The following ZNF705G variants were observed in gnomAD, a reference collection of about 807,000 sequenced individuals.
ZNF705G encodes the protein putative zinc finger protein 705G.
A neutral mutation model predicts 19.6 loss-of-function variants in ZNF705G; 23 were observed. The ratio of observed to expected loss-of-function variants is 1.17; its 90% confidence interval spans 0.84 to 1.66. The LOEUF is 1.66. Ranked by LOEUF, ZNF705G falls within the 40% of genes most tolerant of loss-of-function variation. ZNF705G has a pLI of 0.00. For synonymous variants in ZNF705G, 146 were observed against 117.7 expected (o/e 1.24, Z -1.56); for missense variants, 457 against 354.4 (o/e 1.29, Z -2.32).
In ZNF705G at chr8:7,360,231, G is replaced by T; in HGVS notation, c.235+6C>A. ...TCCTATTAGAGCACAGGACCCTGTT[G>T]CTTACTTGGATTCTGGTCTTGAAGA... On this transcript the variant is annotated splice_donor_region_variant and intron_variant, in intron 5 of 6. Transcript: ENST00000400156. 3.1e-6 allele frequency: 5 copies of T among 1,592,052 alleles called. No homozygotes were observed. The highest frequency in any genetic ancestry group is 4.2e-6 in the Non-Finnish European group (5 of 1,179,014).
chr8:7,370,089 C>A (rs1807030236), intron 2 of ZNF705G, among the ~76,000 whole-genome samples: 1 of 147,758 alleles, frequency 6.8e-6, no homozygotes, highest in Admixed American at 6.6e-5. Context: ...CCGTGAAACC[C>A]TGTCTCCACT....
At chr8:7,369,008 G>A (rs538241145) in intron 2 of ZNF705G, among the ~76,000 whole-genome samples, 1 of 149,648 alleles carries the variant, frequency 6.7e-6, no homozygotes, top group Non-Finnish European at 1.5e-5. Flanking sequence ...CATGGCTGGG[G>A]GGAGGCAGAA....
At chr8:7,361,713 T>C (rs1477359137) in intron 3 of ZNF705G, among the ~76,000 whole-genome samples, 3 of 149,602 alleles carry the variant, frequency 2.0e-5, no homozygotes, top group Non-Finnish European at 2.9e-5. Flanking sequence ...AGACCTATGA[T>C]GTGTTTTGAA....
In ZNF705G at chr8:7,369,295, G is replaced by A. The variant is rs1284380480; in HGVS notation, c.-71-6278C>T. ...TGGATTTCTAAAGATGTATGGGAAAGCCTGTATGTCCAATAGAAGTCTGCT... is the reference window on the plus strand; with the variant it reads ...TGGATTTCTAAAGATGTATGGGAAAACCTGTATGTCCAATAGAAGTCTGCT... On this transcript the variant is annotated intron_variant, in intron 2 of 6. Transcript: ENST00000400156. 2.0e-5 allele frequency among the ~76,000 whole-genome samples: 3 copies of A among 149,570 alleles called. 1 individual carries two copies. The highest frequency in any genetic ancestry group is 2.0e-4 in the Admixed American group (3 of 15,224).
intron 2 of ZNF705G, among the ~76,000 whole-genome samples, 189 bp from the exon 3 acceptor site, chr8:7,363,206 G>A (rs1806688184): frequency 1.3e-5 from 2 of 148,938 alleles, no homozygotes; most frequent in South Asian, 4.2e-4. Flanking sequence ...GACTATGGTT[G>A]CTAATAAAGA....
intron 4 of ZNF705G, among the ~76,000 whole-genome samples, chr8:7,360,577 C>T (rs1585409313): frequency 6.7e-6 from 1 of 149,336 alleles, no homozygotes; most frequent in African/African-American, 2.6e-5. Flanking sequence ...ATGCTGAGTC[C>T]ATGCCTAAGT....
rs1388495181 is a variant in ZNF705G at position 7,357,084 on chromosome 8, A to G, written c.*892T>C. ...TGATTTTCAAGTTTGATAGCTCCTC[A>G]ATGTGAGAAACTCAATGTCAACTAA... On this transcript the variant is annotated 3_prime_UTR_variant, in exon 7 of 7. Coordinates refer to ENST00000400156, the MANE Select transcript of ZNF705G (RefSeq NM_001164457.3). 6.7e-6 allele frequency: 1 copy of G among 150,088 alleles called. No individual in the cohort carries two copies. 9.3% of individuals were successfully genotyped at this position (150,088 alleles called of 1,614,324 possible). A position where few individuals can be genotyped will look rare whatever the true frequency, so the allele number is the denominator to read the frequency against.
intron 4 of ZNF705G, among the ~76,000 whole-genome samples, chr8:7,360,682 A>G (rs2001339): frequency 3.0e-3 from 453 of 149,566 alleles, no homozygotes; most frequent in Admixed American, 0.026. Context: ...CACAACAAAA[A>G]AAAACATTCG....
In ZNF705G at chr8:7,383,457, T is replaced by G. The variant is rs112292501; in HGVS notation, c.-221-1856A>C. Among the ~76,000 whole-genome samples the G allele has an allele frequency of 9.3e-3, 1,362 of 146,494 alleles. 221 individuals are homozygous for G. Among genetic ancestry groups the G allele is most frequent in the African/African-American group, 0.036 (1,302 of 36,020 alleles). ...ACTTCCTCAGCCCCTGAGAAGTACC[T>G]AGCAGAGACGAGGTACTCACGTATT... is the stretch of plus-strand genomic sequence containing the variant. On this transcript the variant is annotated intron_variant, in intron 1 of 6. Coordinates refer to ENST00000400156, the MANE Select transcript of ZNF705G (RefSeq NM_001164457.3).
chr8:7,364,906 T>G (rs10097913), intron 2 of ZNF705G, among the ~76,000 whole-genome samples: 55,831 of 146,702 alleles, frequency 0.38, 5,787 homozygotes, highest in African/African-American at 0.52. Flanking sequence ...AGAGAATGCC[T>G]ACAAAGCTTC....
rs1330756839 is a variant in ZNF705G at position 7,375,542 on chromosome 8, A to C, written c.-72+5910T>G. Among the ~76,000 whole-genome samples, 2 of 92,612 alleles carry C rather than the reference A, an allele frequency of 2.2e-5. 1 individual carries two copies. Among genetic ancestry groups the C allele is most frequent in the African/African-American group, 1.0e-4 (2 of 19,886 alleles). 60.8% of individuals were successfully genotyped at this position (92,612 alleles called of 152,430 possible). On this transcript the variant is annotated intron_variant, in intron 2 of 6. Coordinates refer to ENST00000400156, the MANE Select transcript of ZNF705G (RefSeq NM_001164457.3). ...TTTATTTTCCTTTGGATATACACCC[A>C]GTAGTGAGATTACTGGGTCAAATGT...
At chr8:7,362,454 C>T (rs1408658940) in intron 3 of ZNF705G, among the ~76,000 whole-genome samples, 5 of 149,600 alleles carry the variant, frequency 3.3e-5, no homozygotes, top group Admixed American at 6.6e-5. Context: ...GCTGCTAGAA[C>T]ATCAGACTCA....
In ZNF705G at chr8:7,361,691, C is replaced by A. The variant is rs145671562; in HGVS notation, c.13-455G>T. On this transcript the variant is annotated intron_variant, in intron 3 of 6. Transcript: ENST00000400156. ...GATGAACCACAGGTTTCTCACCAAT[C>A]AAATGGTTAAAAGACCTATGATGTG... is the stretch of plus-strand genomic sequence containing the variant. Among the ~76,000 whole-genome samples, 1,394 of 149,508 alleles carry A rather than the reference C, an allele frequency of 9.3e-3. 23 individuals carry two copies. The highest frequency in any genetic ancestry group is 0.031 in the Middle Eastern group (9 of 292).
intron 4 of ZNF705G, 123 bp from the exon 5 acceptor site, chr8:7,360,455 C>G: frequency 6.8e-7 from 1 of 1,462,870 alleles, no homozygotes; most frequent in Admixed American, 1.9e-5. Context: ...GCCACAAGAC[C>G]TAGAACACAG....
intron 6 of ZNF705G, 75 bp downstream of exon 6, chr8:7,359,544 T>C: frequency 6.3e-7 from 1 of 1,591,288 alleles, no homozygotes; most frequent in East Asian, 2.2e-5. Flanking sequence ...CTCAGGTGAT[T>C]GTGCTTCATT....
At chr8:7,369,309 T>C (rs1375126160) in intron 2 of ZNF705G, among the ~76,000 whole-genome samples, 2 of 149,532 alleles carry the variant, frequency 1.3e-5, no homozygotes, top group East Asian at 1.9e-4. Flanking sequence ...GTATGTCCAA[T>C]AGAAGTCTGC....
chr8:7,384,438 A>T (rs1405782229), intron 1 of ZNF705G, among the ~76,000 whole-genome samples: 3 of 145,736 alleles, frequency 2.1e-5, no homozygotes, highest in Admixed American at 1.3e-4. Context: ...AAAAAAAGAC[A>T]TTTATGCAGC....
At position 7,364,987 on chromosome 8, in the gene ZNF705G, G is replaced by A. The variant is rs551018180; in HGVS notation, c.-71-1970C>T. Among the ~76,000 whole-genome samples the A allele has an allele frequency of 6.3e-4, 95 of 149,630 alleles. 8 individuals carry two copies. The highest frequency in any genetic ancestry group is 2.3e-3 in the African/African-American group (88 of 39,098). On this transcript the variant is annotated intron_variant, in intron 2 of 6. Transcript: ENST00000400156. Reference sequence around the variant, plus strand: ...TCCTCGAATATCAAAATAAGATTTGGGCTTTAGAGAATATTTGTGTGTAAT... The same window carrying A: ...TCCTCGAATATCAAAATAAGATTTGAGCTTTAGAGAATATTTGTGTGTAAT...
rs542427871 is a variant in ZNF705G, at chr8:7,360,333, C to G, written c.140-1G>C. The G allele has an allele frequency of 1.3e-6, 2 of 1,588,540 alleles. No individual in the cohort carries two copies. The highest frequency in any genetic ancestry group is 1.7e-6 in the Non-Finnish European group (2 of 1,178,200). On this transcript the variant is annotated splice_acceptor_variant, in intron 4 of 6. Coordinates refer to ENST00000400156, the MANE Select transcript of ZNF705G (RefSeq NM_001164457.3). LOFTEE classifies it high-confidence loss of function. ...ATATAGGATTTGCTTATCTGGTACC[C>G]TGTTAGTGGAAAGAATACATGTGTT...
Sources: allele counts gnomAD v4.1 joint callset (sites outside exome capture counted in the v4.1 genomes callset), GRCh38; gene constraint gnomAD v4.1.1; transcripts MANE v1.5; gene names NCBI Gene and HGNC (gene_info 2026-07-23, HGNC 2026-07-21).